Variants in TNFRSF21 observed in about 807,000 individuals in gnomAD.
TNFRSF21 encodes the protein TNF receptor superfamily member 21, also known as tumor necrosis factor receptor superfamily member 21.
Under a neutral mutation model 45.6 loss-of-function variants are expected in TNFRSF21, and 19 were observed. That is an observed-to-expected ratio of 0.42 (90% CI 0.29 to 0.61). The LOEUF (loss-of-function observed/expected upper bound fraction) is 0.61. TNFRSF21 is among the 20% of genes least tolerant of loss of function. The pLI is 0.23. For missense variants in TNFRSF21, 737 were observed against 851.5 expected, an observed-to-expected ratio of 0.87 and a Z score of 1.67; for synonymous variants, 314 against 335.5, an observed-to-expected ratio of 0.94 and a Z score of 0.70.
intron 4 of TNFRSF21, among the ~76,000 whole-genome samples, chr6:47,246,915 A>T (rs1407134593): frequency 1.3e-5 from 2 of 152,222 alleles, no homozygotes; most frequent in Non-Finnish European, 2.9e-5. Flanking sequence ...CCTGATGCTT[A>T]TAATTCCTCA....
chr6:47,308,765 A>G (rs1252158780), intron 1 of TNFRSF21, among the ~76,000 whole-genome samples: 8 of 152,116 alleles, frequency 5.3e-5, no homozygotes, highest in Non-Finnish European at 1.2e-4. Context: ...GGCGCCGGAG[A>G]GTGGGTCTAA....
chr6:47,288,430 G>A (rs184362454), intron 1 of TNFRSF21, among the ~76,000 whole-genome samples: 2 of 152,128 alleles, frequency 1.3e-5, no homozygotes, highest in Non-Finnish European at 2.9e-5. Flanking sequence ...TGTTGGCAAC[G>A]CTCCGTAACT....
chr6:47,265,571 C>T (rs1488561685), intron 3 of TNFRSF21, among the ~76,000 whole-genome samples: 2 of 152,092 alleles, frequency 1.3e-5, no homozygotes, highest in African/African-American at 2.4e-5. Flanking sequence ...CTCTTCAAAC[C>T]TCAGTTTCCC....
chr6:47,308,998 G>A (rs547414229), intron 1 of TNFRSF21, among the ~76,000 whole-genome samples: 33 of 152,254 alleles, frequency 2.2e-4, no homozygotes, highest in African/African-American at 3.8e-4. Context: ...GGCCTCGGCC[G>A]GCCGTGGGAG....
chr6:47,278,849 A>T (rs1407639787), intron 3 of TNFRSF21, among the ~76,000 whole-genome samples: 2 of 152,218 alleles, frequency 1.3e-5, no homozygotes, highest in African/African-American at 4.8e-5. Context: ...GATTTAAAGG[A>T]GATGCTGCCT....
intron 5 of TNFRSF21, among the ~76,000 whole-genome samples, chr6:47,234,122 C>G (rs1297104094): frequency 6.6e-6 from 1 of 152,106 alleles, no homozygotes; most frequent in Non-Finnish European, 1.5e-5. Context: ...CTCTGAGTAG[C>G]TGGAACTACA....
intron 3 of TNFRSF21, among the ~76,000 whole-genome samples, chr6:47,276,765 G>A (rs1271096869): frequency 6.6e-6 from 1 of 152,134 alleles, no homozygotes; most frequent in African/African-American, 2.4e-5. Context: ...ATAGCTTAGG[G>A]AAAATATTGT....
chr6:47,251,380 T>C (rs947694208), intron 4 of TNFRSF21, among the ~76,000 whole-genome samples: 1 of 152,142 alleles, frequency 6.6e-6, no homozygotes, highest in Non-Finnish European at 1.5e-5. Flanking sequence ...ATAGCTACTA[T>C]TAGAATCTTT....
intron 4 of TNFRSF21, among the ~76,000 whole-genome samples, chr6:47,247,868 C>T (rs10080323): frequency 2.6e-5 from 4 of 152,204 alleles, no homozygotes; most frequent in Non-Finnish European, 4.4e-5. Context: ...ATAATTAATT[C>T]TATTATATAG....
chr6:47,302,916 T>C (rs187683362), intron 1 of TNFRSF21, among the ~76,000 whole-genome samples: 3 of 152,354 alleles, frequency 2.0e-5, no homozygotes, highest in East Asian at 3.9e-4. Context: ...ATGGGGCTAA[T>C]GCTACTACCT....
At chr6:47,274,623 C>A (rs1477493901) in intron 3 of TNFRSF21, among the ~76,000 whole-genome samples, 1 of 152,092 alleles carries the variant, frequency 6.6e-6, no homozygotes, top group African/African-American at 2.4e-5. Context: ...GCAACAAAAG[C>A]CAAAATTGAC....
intron 1 of TNFRSF21, among the ~76,000 whole-genome samples, chr6:47,305,716 G>C (rs1235596628): frequency 1.3e-5 from 2 of 152,170 alleles, no homozygotes; most frequent in Admixed American, 6.5e-5. Context: ...AGCTGGACAG[G>C]CTATAACAGC....
intron 5 of TNFRSF21, among the ~76,000 whole-genome samples, chr6:47,234,271 A>G (rs1468639091): frequency 6.6e-6 from 1 of 152,160 alleles, no homozygotes; most frequent in African/African-American, 2.4e-5. Flanking sequence ...GCTGCTGCGC[A>G]CGGCCTAAAA....
At chr6:47,294,444 G>A (rs369441933) in intron 1 of TNFRSF21, among the ~76,000 whole-genome samples, 7 of 152,082 alleles carry the variant, frequency 4.6e-5, no homozygotes, top group Non-Finnish European at 8.8e-5. Context: ...GCCCGGCTGC[G>A]CACAGGTTTA....
chr6:47,286,548 CG>C lies in TNFRSF21; in HGVS notation c.143del (p.Ser48Ter). 6.2e-7 allele frequency: 1 copy of C among 1,612,390 alleles called. No homozygotes were observed. Among genetic ancestry groups the C allele is most frequent in the Non-Finnish European group, 8.5e-7 (1 of 1,178,610 alleles). On this transcript the variant is annotated frameshift_variant, in exon 2 of 6. Coordinates refer to ENST00000296861, the MANE Select transcript of TNFRSF21 (RefSeq NM_014452.5). LOFTEE classifies it high-confidence loss of function. ...CATGGCGGTATGTGCCAATGAGATTCGAGGCCTTCTGTTCTGGCTGAGCTGT... is the reference window on the plus strand; with the variant it reads ...CATGGCGGTATGTGCCAATGAGATTCAGGCCTTCTGTTCTGGCTGAGCTGT... ...TTTAQPEQKA[S>X]NLIGTYRHVD...
At chr6:47,285,335 T>C (rs1465682064) in intron 2 of TNFRSF21, among the ~76,000 whole-genome samples, 1 of 152,134 alleles carries the variant, frequency 6.6e-6, no homozygotes, top group African/African-American at 2.4e-5. Context: ...ATATAAGGAG[T>C]AAAGTTAAAA....
In TNFRSF21 at chr6:47,277,452, A is replaced by G. The variant is rs566451297; in HGVS notation, c.1243+6486T>C. ...CCTCTGCATCATCTCCAGCGTTTGC[A>G]CCCTCGTCCTCATCACTGCTATCAC... is the stretch of plus-strand genomic sequence containing the variant. On this transcript the variant is annotated intron_variant, in intron 3 of 5. Coordinates refer to ENST00000296861, the MANE Select transcript of TNFRSF21 (RefSeq NM_014452.5). Among the ~76,000 whole-genome samples, 13 of 152,184 alleles carry G rather than the reference A, an allele frequency of 8.5e-5. No individual in the cohort carries two copies. The East Asian group carries it at 2.3e-3, about 27-fold the overall frequency.
intron 1 of TNFRSF21, among the ~76,000 whole-genome samples, chr6:47,295,804 T>TAA (rs34494497): frequency 0.033 from 4,916 of 148,254 alleles, 252 homozygotes; most frequent in African/African-American, 0.11. Context: ...CTCTCTGATT[T>TAA]AAAAAAAAAA....
intron 3 of TNFRSF21, among the ~76,000 whole-genome samples, chr6:47,275,560 G>A (rs1252867014): frequency 6.6e-6 from 1 of 152,116 alleles, no homozygotes; most frequent in Non-Finnish European, 1.5e-5. Context: ...TGTAAATGAT[G>A]AGTTGATAGG....
Sources: gnomAD v4.1 joint callset for allele counts (sites outside exome capture counted in the v4.1 genomes callset) on GRCh38, gnomAD v4.1.1 for gene constraint, MANE v1.5 for transcripts, NCBI Gene and HGNC (gene_info 2026-07-23, HGNC 2026-07-21) for gene names.